The following RORB variants were observed in gnomAD, a reference collection of about 807,000 sequenced individuals.
RORB encodes the protein nuclear receptor ROR-beta.
RORB carries 6 observed loss-of-function variants against 59.1 expected under a neutral mutation model. That is an observed-to-expected ratio of 0.10 (90% CI 0.06 to 0.20). RORB has a LOEUF of 0.20. Ranked by LOEUF, RORB falls within the 10% of genes least tolerant of loss-of-function variation. The pLI is 1.00. For missense variants in RORB, 320 were observed against 560.5 expected (o/e 0.57, Z 4.33); for synonymous variants, 215 against 204.5 (o/e 1.05, Z -0.44).
intron 1 of RORB, among the ~76,000 whole-genome samples, chr9:74,540,201 T>C (rs1826384122): frequency 6.6e-6 from 1 of 152,174 alleles, no homozygotes; most frequent in Non-Finnish European, 1.5e-5. Flanking sequence ...AATACAAAAA[T>C]ATATATAACA....
At chr9:74,533,931 G>A (rs998204351) in intron 1 of RORB, among the ~76,000 whole-genome samples, 6 of 151,990 alleles carry the variant, frequency 3.9e-5, no homozygotes, top group Non-Finnish European at 8.8e-5. Context: ...CTGTACTGTT[G>A]ACTTGTTTCT....
chr9:74,610,761 C>T (rs1823221603), intron 1 of RORB, among the ~76,000 whole-genome samples: 2 of 152,146 alleles, frequency 1.3e-5, no homozygotes, highest in Non-Finnish European at 2.9e-5. Flanking sequence ...ATGGTGTAAA[C>T]CAGCAGTTCT....
intron 3 of RORB, among the ~76,000 whole-genome samples, chr9:74,636,056 A>AT (rs11461472): frequency 0.37 from 55,554 of 150,400 alleles, 10,821 homozygotes; most frequent in Middle Eastern, 0.46. Context: ...CTATTAACTG[A>AT]TTTTTTTTTG....
intron 1 of RORB, among the ~76,000 whole-genome samples, chr9:74,613,743 T>C (rs1468866365): frequency 2.0e-5 from 3 of 151,984 alleles, no homozygotes; most frequent in Admixed American, 2.0e-4. Flanking sequence ...TTTCTCCCCA[T>C]CAAAAAGCAG....
intron 3 of RORB, among the ~76,000 whole-genome samples, chr9:74,639,672 A>G (rs2118451857): frequency 6.6e-6 from 1 of 152,378 alleles, no homozygotes; most frequent in African/African-American, 2.4e-5. Context: ...CTTGATCTAT[A>G]GCAATGGATA....
intron 4 of RORB, among the ~76,000 whole-genome samples, chr9:74,660,138 A>G (rs1389964863): frequency 6.6e-6 from 1 of 152,072 alleles, no homozygotes; most frequent in African/African-American, 2.4e-5. Flanking sequence ...TCCTCTATAC[A>G]TAGCCTTTCT....
intron 1 of RORB, among the ~76,000 whole-genome samples, chr9:74,589,766 T>C (rs1038525044): frequency 3.3e-5 from 5 of 152,194 alleles, no homozygotes; most frequent in African/African-American, 7.2e-5. Flanking sequence ...TCGCTTGTTC[T>C]GTACTCCACC....
At chr9:74,625,031 C>CAA (rs879693228) in intron 1 of RORB, among the ~76,000 whole-genome samples, 1 of 140,994 alleles carries the variant, frequency 7.1e-6, no homozygotes, top group Non-Finnish European at 1.6e-5. Flanking sequence ...GTCCTTAAGG[C>CAA]AAAAAAAAAA....
Position 74,535,642 on chromosome 9 carries a change from C to A in RORB, c.7+37659C>A, listed in dbSNP as rs987646476. On this transcript the variant is annotated intron_variant, in intron 1 of 9. Transcript: ENST00000376896. ...AGGATTTTAGAGAAACTCCCTTTGT[C>A]ATTTTATGGTAAGCATATTAACAAA... Among the ~76,000 whole-genome samples the A allele has an allele frequency of 2.0e-5, 3 of 151,902 alleles. No individual in the cohort carries two copies. In the South Asian group the frequency reaches 6.2e-4, roughly 31 times the overall value.
chr9:74,662,820 GT>G (rs1213950843), intron 6 of RORB, among the ~76,000 whole-genome samples: 1 of 152,138 alleles, frequency 6.6e-6, no homozygotes, highest in Non-Finnish European at 1.5e-5. Context: ...CTTATTGAAA[GT>G]GGAGCTATTA....
intron 1 of RORB, among the ~76,000 whole-genome samples, chr9:74,629,191 C>T (rs1823574142): frequency 6.6e-6 from 1 of 151,534 alleles, no homozygotes; most frequent in Non-Finnish European, 1.5e-5. Context: ...ATGTAATAAG[C>T]CATGTTTTTA....
rs768168951 is a variant in RORB, at chr9:74,606,489, C to T, written c.8-23793C>T. On this transcript the variant is annotated intron_variant, in intron 1 of 9. Coordinates refer to ENST00000376896, the MANE Select transcript of RORB (RefSeq NM_006914.4). ...TGGCTGTAAGATGTCCCAGGATGAG[C>T]GAGGGAAAAGAACCGTGCACAGTTC... Among the ~76,000 whole-genome samples, 21 of 152,136 alleles carry T rather than the reference C, an allele frequency of 1.4e-4. No homozygotes were observed. The South Asian group carries it at 1.7e-3, about 12-fold the overall frequency.
chr9:74,614,400 C>T (rs1177054304), intron 1 of RORB, among the ~76,000 whole-genome samples: 2 of 151,486 alleles, frequency 1.3e-5, no homozygotes, highest in Non-Finnish European at 2.9e-5. Context: ...AAAAAAAAGC[C>T]ATTTGTCATA....
At chr9:74,613,014 G>A (rs902329704) in intron 1 of RORB, among the ~76,000 whole-genome samples, 3 of 152,152 alleles carry the variant, frequency 2.0e-5, no homozygotes, top group Admixed American at 2.0e-4. Context: ...ACTGGACTGT[G>A]AGCTTCATCA....
chr9:74,590,823 G>T (rs565596197), intron 1 of RORB, among the ~76,000 whole-genome samples: 11 of 152,088 alleles, frequency 7.2e-5, no homozygotes, highest in African/African-American at 2.4e-4. Flanking sequence ...ACAGAGTCTC[G>T]TTCTGTCACC....
At chr9:74,651,496 C>T (rs1213281564) in intron 4 of RORB, among the ~76,000 whole-genome samples, 2 of 151,058 alleles carry the variant, frequency 1.3e-5, no homozygotes, top group African/African-American at 4.9e-5. Flanking sequence ...GATTGCACCA[C>T]TGCACTTCAG....
At chr9:74,639,822 T>C (rs1823766431) in intron 3 of RORB, among the ~76,000 whole-genome samples, 2 of 152,196 alleles carry the variant, frequency 1.3e-5, no homozygotes, top group South Asian at 2.1e-4. Context: ...TCAATATTTA[T>C]AGTTGTTTAT....
intron 1 of RORB, among the ~76,000 whole-genome samples, chr9:74,544,842 A>G (rs1318649779): frequency 1.3e-5 from 2 of 152,190 alleles, no homozygotes; most frequent in Non-Finnish European, 2.9e-5. Flanking sequence ...TCAGGTTCCC[A>G]TCACATCTAG....
At chr9:74,531,675 T>A (rs1360892908) in intron 1 of RORB, among the ~76,000 whole-genome samples, 1 of 151,944 alleles carries the variant, frequency 6.6e-6, no homozygotes, top group Non-Finnish European at 1.5e-5. Flanking sequence ...TCCTTTAATA[T>A]ACAAGAGAAA....
Sources: gnomAD v4.1 joint callset for allele counts (sites outside exome capture counted in the v4.1 genomes callset) on GRCh38, gnomAD v4.1.1 for gene constraint, MANE v1.5 for transcripts, NCBI Gene and HGNC (gene_info 2026-07-23, HGNC 2026-07-21) for gene names.